Variants in PTPRG observed in about 807,000 individuals in gnomAD.
The protein encoded by PTPRG is receptor-type tyrosine-protein phosphatase gamma.
Under a neutral mutation model 165.3 loss-of-function variants are expected in PTPRG, and 102 were observed. That is an observed-to-expected ratio of 0.62 (90% CI 0.53 to 0.73). PTPRG has a LOEUF of 0.73. Ranked by LOEUF, PTPRG falls within the 30% of genes least tolerant of loss-of-function variation. The probability of loss-of-function intolerance (pLI) is 0.00; values close to 1 mark genes in which losing one functional copy is unlikely to be tolerated. For synonymous variants in PTPRG, 675 were observed against 669.5 expected, an observed-to-expected ratio of 1.01 and a Z score of -0.13; for missense variants, 1,866 against 1,861.4, an observed-to-expected ratio of 1.00 and a Z score of -0.05.
At chr3:61,802,828 A>G (rs892137923) in intron 2 of PTPRG, among the ~76,000 whole-genome samples, 24 of 152,172 alleles carry the variant, frequency 1.6e-4, no homozygotes, top group African/African-American at 5.8e-4. Flanking sequence ...GAGGACCTGG[A>G]ATACCCATGC....
rs538013318 is a variant in PTPRG, at chr3:62,018,699, A to T, written c.519+15202A>T. Among the ~76,000 whole-genome samples the T allele has an allele frequency of 1.6e-4, 25 of 152,342 alleles. No individual in the cohort carries two copies. In the South Asian group the frequency reaches 3.5e-3, roughly 21 times the overall value. On this transcript the variant is annotated intron_variant, in intron 4 of 29. Transcript: ENST00000474889. ...CCCAGCAGTAGCATTACAAAGCTCA[A>T]GGCATCCCTTGGAATAGGATGCATA...
chr3:61,956,275 GTC>G (rs199816889), intron 2 of PTPRG, among the ~76,000 whole-genome samples: 263 of 122,190 alleles, frequency 2.2e-3, no homozygotes, highest in African/African-American at 4.8e-3. Flanking sequence ...CGTGCACGCT[GTC>G]TCTCTCTCTC....
intron 2 of PTPRG, among the ~76,000 whole-genome samples, chr3:61,943,816 A>C (rs1485590290): frequency 1.3e-5 from 2 of 152,174 alleles, no homozygotes; most frequent in Non-Finnish European, 2.9e-5. Flanking sequence ...CTATGCTCCC[A>C]GAGGATTGGA....
At chr3:62,078,027 GA>G in intron 4 of PTPRG, 135 bp from the exon 5 acceptor site, 1 of 590,954 alleles carries the variant, frequency 1.7e-6, no homozygotes, top group Admixed American at 3.6e-5. Flanking sequence ...GTTAGCAAAG[GA>G]AAAATATGAA....
intron 1 of PTPRG, among the ~76,000 whole-genome samples, chr3:61,641,871 G>C (rs1702074789): frequency 6.6e-6 from 1 of 152,152 alleles, no homozygotes; most frequent in South Asian, 2.1e-4. Flanking sequence ...GTCTAATTTT[G>C]TTTTGCATTT....
Position 62,111,093 on chromosome 3 carries a change from A to C in PTPRG, c.616-21509A>C, listed in dbSNP as rs1702652558. 2.0e-5 allele frequency among the ~76,000 whole-genome samples: 3 copies of C among 152,206 alleles called. No individual in the cohort carries two copies. In the South Asian group the frequency reaches 6.2e-4, roughly 32 times the overall value. ...GATGTAGGGAGTCTGGTTTCTCTTC[A>C]TACATGTACACTGTATGGAATAATA... On this transcript the variant is annotated intron_variant, in intron 5 of 29. Coordinates refer to ENST00000474889, the MANE Select transcript of PTPRG (RefSeq NM_002841.4).
chr3:62,225,119 TCA>T (rs1370679176), intron 13 of PTPRG, among the ~76,000 whole-genome samples: 1 of 152,206 alleles, frequency 6.6e-6, no homozygotes, highest in Non-Finnish European at 1.5e-5. Context: ...TCAAAAGTTT[TCA>T]CAGTGTGCCA....
At chr3:62,176,373 G>T (rs1313313297) in intron 8 of PTPRG, among the ~76,000 whole-genome samples, 1 of 152,184 alleles carries the variant, frequency 6.6e-6, no homozygotes, top group African/African-American at 2.4e-5. Context: ...CAGCCAGGAA[G>T]TGGTAGAGCT....
chr3:61,826,993 A>C (rs190930208), intron 2 of PTPRG, among the ~76,000 whole-genome samples: 73 of 152,312 alleles, frequency 4.8e-4, no homozygotes, highest in African/African-American at 1.6e-3. Flanking sequence ...TAAGTTGAGC[A>C]TGACTCTCAA....
chr3:61,750,165 G>T (rs1308774071), intron 2 of PTPRG: 1 of 152,120 alleles, frequency 6.6e-6, no homozygotes, highest in Non-Finnish European at 1.5e-5. Flanking sequence ...CACCATTTCT[G>T]ATAAATGAAG....
At chr3:61,608,382 G>T (rs1701072096) in intron 1 of PTPRG, among the ~76,000 whole-genome samples, 3 of 152,218 alleles carry the variant, frequency 2.0e-5, no homozygotes, top group Admixed American at 6.5e-5. Flanking sequence ...GAGCAACTAT[G>T]TGATCTCACC....
intron 2 of PTPRG, among the ~76,000 whole-genome samples, chr3:61,772,483 A>G (rs868766741): frequency 1.2e-4 from 18 of 152,258 alleles, no homozygotes; most frequent in Non-Finnish European, 2.1e-4. Flanking sequence ...TAGCTGATCA[A>G]TCAGTGGAAA....
chr3:61,997,864 C>T (rs2041076671), intron 3 of PTPRG, among the ~76,000 whole-genome samples: 1 of 152,168 alleles, frequency 6.6e-6, no homozygotes, highest in Admixed American at 6.5e-5. Flanking sequence ...TTCCCTTTTA[C>T]CAGGAGTCCC....
chr3:62,196,524 C>T (rs116036880), intron 10 of PTPRG, among the ~76,000 whole-genome samples: 3,836 of 152,218 alleles, frequency 0.025, 87 homozygotes, highest in South Asian at 0.053. Context: ...GTCTTACTTG[C>T]GCCAACCTAA....
At chr3:61,712,572 A>C (rs1269146103) in intron 1 of PTPRG, among the ~76,000 whole-genome samples, 1 of 152,154 alleles carries the variant, frequency 6.6e-6, no homozygotes, top group Admixed American at 6.6e-5. Flanking sequence ...TAACAGTGGC[A>C]GCTTCCCCTG....
chr3:62,022,313 GT>G (rs922379715), intron 4 of PTPRG, among the ~76,000 whole-genome samples: 5 of 152,184 alleles, frequency 3.3e-5, no homozygotes, highest in Admixed American at 6.5e-5. Context: ...GCTTACGTTT[GT>G]AAGAACTAGA....
At chr3:61,970,970 G>A (rs1216348138) in intron 2 of PTPRG, among the ~76,000 whole-genome samples, 1 of 152,080 alleles carries the variant, frequency 6.6e-6, no homozygotes, top group Non-Finnish European at 1.5e-5. Context: ...GTGTAATATT[G>A]CTTATTTATT....
At chr3:61,705,830 T>C (rs2031222754) in intron 1 of PTPRG, among the ~76,000 whole-genome samples, 1 of 152,336 alleles carries the variant, frequency 6.6e-6, no homozygotes, top group East Asian at 1.9e-4. Flanking sequence ...TGAGGTGCCC[T>C]CTTCAATGGC....
At chr3:61,590,733 T>A (rs2045497317) in intron 1 of PTPRG, among the ~76,000 whole-genome samples, 1 of 152,182 alleles carries the variant, frequency 6.6e-6, no homozygotes, top group South Asian at 2.1e-4. Flanking sequence ...TTTTTTTCAT[T>A]TGGTAATAGT....
Sources: gnomAD v4.1 joint callset for allele counts (sites outside exome capture counted in the v4.1 genomes callset) on GRCh38, gnomAD v4.1.1 for gene constraint, MANE v1.5 for transcripts, NCBI Gene and HGNC (gene_info 2026-07-23, HGNC 2026-07-21) for gene names.